Variants in SHISA9 observed in about 807,000 individuals in gnomAD.
SHISA9 encodes protein shisa-9.
SHISA9 carries 13 observed loss-of-function variants against 38.0 expected under a neutral mutation model. The ratio of observed to expected loss-of-function variants is 0.34; its 90% confidence interval spans 0.22 to 0.54. SHISA9 has a LOEUF of 0.54. SHISA9 is among the 20% of genes least tolerant of loss of function. The probability of loss-of-function intolerance (pLI) is 0.91; values close to 1 mark genes in which losing one functional copy is unlikely to be tolerated. For synonymous variants in SHISA9, 275 were observed against 242.0 expected, an observed-to-expected ratio of 1.14 and a Z score of -1.27; for missense variants, 538 against 575.8, an observed-to-expected ratio of 0.93 and a Z score of 0.67.
the SHISA9 span, among the ~76,000 whole-genome samples, chr16:13,506,947 G>A: frequency 6.6e-6 from 1 of 152,078 alleles, no homozygotes; most frequent in Non-Finnish European, 1.5e-5. Flanking sequence ...GGAGGGTGAA[G>A]CAGGAGGATC....
At chr16:13,428,458 C>T in the SHISA9 span, among the ~76,000 whole-genome samples, 1 of 152,170 alleles carries the variant, frequency 6.6e-6, no homozygotes, top group Non-Finnish European at 1.5e-5. Context: ...GTTTTATAGA[C>T]ACAAACTCTA....
the SHISA9 span, among the ~76,000 whole-genome samples, chr16:13,517,331 C>CT: frequency 6.6e-6 from 1 of 152,166 alleles, no homozygotes; most frequent in East Asian, 1.9e-4. Flanking sequence ...TCTCCTAAAC[C>CT]ATGAGAGAAC....
intron 2 of SHISA9, among the ~76,000 whole-genome samples, chr16:13,005,955 C>A (rs1184103834): frequency 6.6e-6 from 1 of 152,128 alleles, no homozygotes; most frequent in East Asian, 1.9e-4. Flanking sequence ...GCTCTTATTT[C>A]GGAGAGTTGA....
At chr16:13,198,295 TAC>T (rs1359132145) in intron 2 of SHISA9, among the ~76,000 whole-genome samples, 3 of 129,844 alleles carry the variant, frequency 2.3e-5, no homozygotes, top group Non-Finnish European at 5.2e-5. Context: ...TGTATATGCA[TAC>T]ATATATACTT....
the SHISA9 span, among the ~76,000 whole-genome samples, chr16:13,461,257 C>T: frequency 6.6e-6 from 1 of 152,132 alleles, no homozygotes; most frequent in African/African-American, 2.4e-5. Flanking sequence ...AGACACCTAG[C>T]CCTTCAGGTT....
intron 2 of SHISA9, among the ~76,000 whole-genome samples, chr16:13,011,126 C>G (rs966535688): frequency 6.6e-6 from 1 of 152,100 alleles, no homozygotes; most frequent in East Asian, 1.9e-4. Context: ...CGTTCTTGCT[C>G]AGGTGGGCAG....
chr16:13,427,216 G>GAGA, the SHISA9 span, among the ~76,000 whole-genome samples: 1 of 152,318 alleles, frequency 6.6e-6, no homozygotes, highest in African/African-American at 2.4e-5. Flanking sequence ...ATCAGCCAGA[G>GAGA]TCACACGTCA....
the SHISA9 span, among the ~76,000 whole-genome samples, chr16:13,283,827 GA>G: frequency 6.6e-6 from 1 of 152,182 alleles, no homozygotes; most frequent in East Asian, 1.9e-4. Context: ...TCTAGGACCA[GA>G]ACCCCAACAT....
chr16:13,554,523 T>G, the SHISA9 span, among the ~76,000 whole-genome samples: 1 of 151,190 alleles, frequency 6.6e-6, no homozygotes. Context: ...TTTCTTTTTT[T>G]TTTTTTGATG....
At chr16:12,934,005 A>G (rs557221423) in intron 2 of SHISA9, among the ~76,000 whole-genome samples, 2 of 152,250 alleles carry the variant, frequency 1.3e-5, no homozygotes, top group South Asian at 4.1e-4. Flanking sequence ...GATGGGAAGA[A>G]CCAATCTAGT....
chr16:13,226,769 G>T (rs1433298102), intron 4 of SHISA9, among the ~76,000 whole-genome samples: 1 of 152,208 alleles, frequency 6.6e-6, no homozygotes, highest in African/African-American at 2.4e-5. Context: ...ACTGCAGTTA[G>T]CAGTTGGTTA....
At chr16:13,520,539 G>T in the SHISA9 span, among the ~76,000 whole-genome samples, 2 of 143,842 alleles carry the variant, frequency 1.4e-5, no homozygotes, top group Admixed American at 1.5e-4. Flanking sequence ...GGAGGTGGGG[G>T]TTGCAGTGAG....
chr16:13,103,256 C>G (rs1192591122), intron 2 of SHISA9, among the ~76,000 whole-genome samples: 1 of 152,228 alleles, frequency 6.6e-6, no homozygotes, highest in Non-Finnish European at 1.5e-5. Context: ...TCATTCTTGT[C>G]TATCTCCTGG....
chr16:13,136,675 C>T lies in SHISA9; in HGVS notation c.692-66719C>T, dbSNP rs951955725. Reference sequence around the variant, plus strand: ...TTGGCCTCCCAAAGTTCTGGGATTACAGGCGTGAGCCACCATGCCCAGCCA... The same window carrying T: ...TTGGCCTCCCAAAGTTCTGGGATTATAGGCGTGAGCCACCATGCCCAGCCA... On this transcript the variant is annotated intron_variant, in intron 2 of 4. Coordinates refer to ENST00000558583, the MANE Select transcript of SHISA9 (RefSeq NM_001145204.3). 1.1e-4 allele frequency among the ~76,000 whole-genome samples: 17 copies of T among 152,152 alleles called. 2 individuals are homozygous for T. Among genetic ancestry groups the T allele is most frequent in the Admixed American group, 1.0e-3 (16 of 15,272 alleles).
the SHISA9 span, among the ~76,000 whole-genome samples, chr16:13,339,865 A>G: frequency 6.6e-6 from 1 of 152,210 alleles, no homozygotes; most frequent in Non-Finnish European, 1.5e-5. Context: ...TTACATGAAT[A>G]AATATATATA....
In SHISA9 at chr16:13,237,654, C is replaced by CAAAAAAAAAA. The variant is rs60419034; in HGVS notation, c.*2253_*2262dup. ...CCTGGGTGACGGAGTGAGACTATCT[C>CAAAAAAAAAA]AAAAAAAAAAAAAAAAAGAAAAAAA... is the stretch of plus-strand genomic sequence containing the variant. On this transcript the variant is annotated 3_prime_UTR_variant, in exon 5 of 5. Transcript: ENST00000558583. 2.1e-5 allele frequency: 2 copies of CAAAAAAAAAA among 96,644 alleles called. No homozygotes were observed. Among genetic ancestry groups the CAAAAAAAAAA allele is most frequent in the Non-Finnish European group, 4.0e-5 (2 of 50,410 alleles). 6.0% of individuals were successfully genotyped at this position (96,644 alleles called of 1,614,324 possible). A position where few individuals can be genotyped will look rare whatever the true frequency, so the allele number is the denominator to read the frequency against.
chr16:13,260,308 G>T, the SHISA9 span, among the ~76,000 whole-genome samples: 1 of 151,924 alleles, frequency 6.6e-6, no homozygotes, highest in Non-Finnish European at 1.5e-5. Flanking sequence ...GAGCCACCGC[G>T]CCTGGCCGGG....
chr16:13,477,896 T>C, the SHISA9 span, among the ~76,000 whole-genome samples: 1 of 151,762 alleles, frequency 6.6e-6, no homozygotes, highest in African/African-American at 2.4e-5. Context: ...ACCCGGGAGG[T>C]GGAGGTTGCA....
the SHISA9 span, among the ~76,000 whole-genome samples, chr16:13,534,074 C>T: frequency 6.6e-6 from 1 of 152,038 alleles, no homozygotes; most frequent in African/African-American, 2.4e-5. Context: ...TGAGCCACCG[C>T]GCCTGGCCTG....
Sources: allele counts gnomAD v4.1 joint callset (sites outside exome capture counted in the v4.1 genomes callset), GRCh38; gene constraint gnomAD v4.1.1; transcripts MANE v1.5; gene names NCBI Gene and HGNC (gene_info 2026-07-23, HGNC 2026-07-21).